CADM1: variants seen among roughly 807,000 people sequenced by gnomAD.
CADM1 encodes TSLC-1.
Under a neutral mutation model 53.1 loss-of-function variants are expected in CADM1, and 15 were observed. That is an observed-to-expected ratio of 0.28 (90% confidence interval 0.19 to 0.44). The LOEUF is 0.44. Ranked by LOEUF, CADM1 falls within the 20% of genes least tolerant of loss-of-function variation. The pLI, the probability that CADM1 is intolerant of heterozygous loss-of-function variation, is 1.00. For synonymous variants in CADM1, 281 were observed against 243.0 expected, an observed-to-expected ratio of 1.16 and a Z score of -1.45; for missense variants, 434 against 611.3, an observed-to-expected ratio of 0.71 and a Z score of 3.06.
At chr11:115,378,269 A>G (rs1946488696) in intron 1 of CADM1, among the ~76,000 whole-genome samples, 1 of 152,162 alleles carries the variant, frequency 6.6e-6, no homozygotes, top group Non-Finnish European at 1.5e-5. Context: ...ATCTCCCAGA[A>G]TGTGAAAATG....
rs757306649 is a variant in CADM1 at position 115,334,992 on chromosome 11, C to A, written c.125-94572G>T. 2.0e-5 allele frequency among the ~76,000 whole-genome samples: 3 copies of A among 152,076 alleles called. No individual in the cohort carries two copies. In the East Asian group the frequency reaches 5.8e-4, roughly 29 times the overall value. On this transcript the variant is annotated intron_variant, in intron 1 of 11. Coordinates refer to ENST00000331581, the MANE Select transcript of CADM1 (RefSeq NM_001301043.2). ...AGCCCTTGGAAATCTGAACTTATAT[C>A]TTTCTCTTGATAAATTTCCAACAAG...
chr11:115,196,704 C>A (rs1022576178), intron 9 of CADM1, among the ~76,000 whole-genome samples: 1 of 151,464 alleles, frequency 6.6e-6, no homozygotes, highest in Non-Finnish European at 1.5e-5. Context: ...CCGCAGGTAG[C>A]CCATAGGCTA....
intron 1 of CADM1, among the ~76,000 whole-genome samples, chr11:115,286,700 C>T (rs7927241): frequency 4.6e-5 from 7 of 151,636 alleles, no homozygotes; most frequent in South Asian, 2.1e-4. Context: ...TTATGTTCTG[C>T]ATAGGGCCTG....
chr11:115,286,240 C>A (rs1177208578), intron 1 of CADM1, among the ~76,000 whole-genome samples: 1 of 152,200 alleles, frequency 6.6e-6, no homozygotes, highest in Non-Finnish European at 1.5e-5. Flanking sequence ...AAATCTGTAG[C>A]ACCCATTATC....
intron 1 of CADM1, among the ~76,000 whole-genome samples, chr11:115,350,815 A>G (rs1171430331): frequency 6.6e-6 from 1 of 151,984 alleles, no homozygotes; most frequent in Admixed American, 6.6e-5. Context: ...AGAAAATCAC[A>G]TTATTCTTTC....
intron 1 of CADM1, among the ~76,000 whole-genome samples, chr11:115,462,239 C>T (rs908786569): frequency 1.3e-5 from 2 of 152,136 alleles, no homozygotes; most frequent in Non-Finnish European, 2.9e-5. Context: ...GCGGAGGCAG[C>T]GGCAATTAAA....
chr11:115,204,395 G>A (rs1194092069), intron 8 of CADM1, among the ~76,000 whole-genome samples: 2 of 152,200 alleles, frequency 1.3e-5, no homozygotes, highest in Non-Finnish European at 2.9e-5. Flanking sequence ...TCCAATGTGT[G>A]TAACCTGTTC....
intron 1 of CADM1, among the ~76,000 whole-genome samples, chr11:115,409,441 T>A (rs1947402971): frequency 6.6e-6 from 1 of 152,162 alleles, no homozygotes; most frequent in South Asian, 2.1e-4. Flanking sequence ...TCTTTCATTG[T>A]TAAATATTAG....
intron 1 of CADM1, among the ~76,000 whole-genome samples, chr11:115,261,699 A>T (rs1259279848): frequency 2.6e-5 from 4 of 152,090 alleles, no homozygotes; most frequent in Non-Finnish European, 4.4e-5. Context: ...TACATTGAAA[A>T]GACTTTTGTA....
chr11:115,439,817 T>G (rs757516689), intron 1 of CADM1, among the ~76,000 whole-genome samples: 5 of 152,322 alleles, frequency 3.3e-5, no homozygotes, highest in Middle Eastern at 3.4e-3. Context: ...TCATTTTTCC[T>G]GGTTTATTTT....
intron 1 of CADM1, among the ~76,000 whole-genome samples, chr11:115,407,610 T>C (rs1947347662): frequency 6.6e-6 from 1 of 152,022 alleles, no homozygotes; most frequent in Admixed American, 6.5e-5. Flanking sequence ...AAAGGCAGAG[T>C]TGGCCAGGAA....
intron 1 of CADM1, among the ~76,000 whole-genome samples, chr11:115,455,257 T>C (rs1429267406): frequency 9.2e-5 from 14 of 152,188 alleles, no homozygotes; most frequent in Admixed American, 9.2e-4. Context: ...TAAAAGATGC[T>C]TTAAAAATCA....
chr11:115,314,200 C>T (rs890968728), intron 1 of CADM1, among the ~76,000 whole-genome samples: 11 of 152,042 alleles, frequency 7.2e-5, no homozygotes, highest in Non-Finnish European at 1.5e-4. Flanking sequence ...AGTAGAAGCC[C>T]TTCTCAGGAT....
intron 1 of CADM1, among the ~76,000 whole-genome samples, chr11:115,330,938 A>G (rs987226929): frequency 1.3e-5 from 2 of 152,166 alleles, no homozygotes; most frequent in South Asian, 2.1e-4. Context: ...AGCACTGGAC[A>G]TGAACAAAAG....
chr11:115,331,170 A>T (rs1353013634), intron 1 of CADM1, among the ~76,000 whole-genome samples: 1 of 152,096 alleles, frequency 6.6e-6, no homozygotes, highest in East Asian at 1.9e-4. Flanking sequence ...TTTTGAGACA[A>T]TTTCATGGGC....
At chr11:115,388,414 G>A (rs1379498590) in intron 1 of CADM1, among the ~76,000 whole-genome samples, 6 of 152,094 alleles carry the variant, frequency 3.9e-5, no homozygotes, top group African/African-American at 9.7e-5. Flanking sequence ...TAAGGGGTGA[G>A]TTTTGAAGAG....
At chr11:115,461,620 G>A (rs1948796337) in intron 1 of CADM1, among the ~76,000 whole-genome samples, 3 of 152,324 alleles carry the variant, frequency 2.0e-5, no homozygotes, top group South Asian at 4.1e-4. Context: ...GGCTGCCTAG[G>A]TGAACGGCGG....
intron 10 of CADM1, among the ~76,000 whole-genome samples, chr11:115,186,714 A>C (rs1939572609): frequency 6.6e-6 from 1 of 152,172 alleles, no homozygotes; most frequent in African/African-American, 2.4e-5. Context: ...GCTCATTCTC[A>C]TCTATCTGGG....
chr11:115,462,098 G>A (rs1404968007), intron 1 of CADM1, among the ~76,000 whole-genome samples: 2 of 152,150 alleles, frequency 1.3e-5, no homozygotes, highest in African/African-American at 4.8e-5. Flanking sequence ...CAGTGCTGCA[G>A]AACAAATGGA....
Sources: allele counts gnomAD v4.1 joint callset (sites outside exome capture counted in the v4.1 genomes callset), GRCh38; gene constraint gnomAD v4.1.1; transcripts MANE v1.5; gene names NCBI Gene and HGNC (gene_info 2026-07-23, HGNC 2026-07-21).